The following ASH2L variants were observed in gnomAD, a reference collection of about 807,000 sequenced individuals.
ASH2L encodes the protein set1/Ash2 histone methyltransferase complex subunit ASH2.
In ASH2L, 30 loss-of-function variants were observed where a neutral mutation model predicts 81.1. The observed-to-expected ratio is 0.37, with a 90% CI of 0.28 to 0.50. The LOEUF (loss-of-function observed/expected upper bound fraction) is 0.50. ASH2L is among the 20% of genes least tolerant of loss of function. The probability of loss-of-function intolerance (pLI) is 0.95; values close to 1 mark genes in which losing one functional copy is unlikely to be tolerated. For missense variants in ASH2L, 559 were observed against 792.1 expected, an observed-to-expected ratio of 0.71 and a Z score of 3.53; for synonymous variants, 273 against 279.9, an observed-to-expected ratio of 0.98 and a Z score of 0.24.
At chr8:38,122,893 G>A (rs900796413) in intron 10 of ASH2L, among the ~76,000 whole-genome samples, 3 of 151,662 alleles carry the variant, frequency 2.0e-5, no homozygotes, top group African/African-American at 4.9e-5. Flanking sequence ...ACAGGCACAC[G>A]CCACCACACC....
At chr8:38,134,292 T>G (rs968314609) in intron 13 of ASH2L, among the ~76,000 whole-genome samples, 1 of 150,686 alleles carries the variant, frequency 6.6e-6, no homozygotes, top group African/African-American at 2.4e-5. Context: ...AATCCCCCTC[T>G]GTGAGAAACA....
chr8:38,116,804 G>T (rs973772216), intron 8 of ASH2L, 79 bp downstream of exon 8: 3 of 1,225,788 alleles, frequency 2.4e-6, no homozygotes, highest in African/African-American at 1.5e-5. Context: ...CCATTCTTTG[G>T]GTTGACCCTT....
intron 14 of ASH2L, among the ~76,000 whole-genome samples, chr8:38,137,018 G>A (rs1192739219): frequency 2.6e-5 from 4 of 151,784 alleles, no homozygotes; most frequent in African/African-American, 7.3e-5. Context: ...ACTTGAACCC[G>A]GGAGATGGAG....
chr8:38,115,513 A>G (rs1332612514), intron 7 of ASH2L, among the ~76,000 whole-genome samples: 3 of 152,220 alleles, frequency 2.0e-5, no homozygotes, highest in Non-Finnish European at 4.4e-5. Context: ...TTGAAAATGC[A>G]AGATTCAGCC....
At chr8:38,113,883 G>A (rs1441012927) in intron 5 of ASH2L, among the ~76,000 whole-genome samples, 1 of 152,160 alleles carries the variant, frequency 6.6e-6, no homozygotes, top group South Asian at 2.1e-4. Context: ...AATAATTTGG[G>A]AGTCATCTTC....
rs761308110 is a variant in ASH2L at position 38,135,686 on chromosome 8, G to T, written c.1639G>T (p.Gly547Cys). The change falls in exon 14 of 16, where the codon GGT (glycine) becomes TGT (cysteine). Residue 547 changes from glycine (G) to cysteine (C), a missense_variant. By Grantham distance (159) the Gly-to-Cys change is radical (BLOSUM62 -3). Transcript: ENST00000343823. ...GTTTCAGATAATATTTTATAAAAATGGTGTCAATCAAGGTGTGGCTTACAA... is the reference window on the plus strand; with the variant it reads ...GTTTCAGATAATATTTTATAAAAATTGTGTCAATCAAGGTGTGGCTTACAA... Reference protein sequence around the residue: ...PHSEIIFYKNGVNQGVAYKDI... With the variant: ...PHSEIIFYKNCVNQGVAYKDI... The T allele has an allele frequency of 1.9e-6, 3 of 1,610,642 alleles. No homozygotes were observed. The highest frequency in any genetic ancestry group is 2.5e-6 in the Non-Finnish European group (3 of 1,177,570).
intron 9 of ASH2L, among the ~76,000 whole-genome samples, chr8:38,119,847 G>T (rs751107513): frequency 6.7e-6 from 1 of 149,166 alleles, no homozygotes; most frequent in Non-Finnish European, 1.5e-5. Flanking sequence ...GGCCGGGCAC[G>T]GTGGGTCATG....
At chr8:38,119,413 T>C in intron 9 of ASH2L, 50 bp downstream of exon 9, 1 of 1,417,716 alleles carries the variant, frequency 7.1e-7, no homozygotes, top group South Asian at 1.4e-5. Context: ...TATTATTTGG[T>C]GCTGGGAAAG....
At chr8:38,114,792 T>C (rs544073657) in intron 6 of ASH2L, 113 bp from the exon 7 acceptor site, 77 of 665,646 alleles carry the variant, frequency 1.2e-4, no homozygotes, top group Non-Finnish European at 1.9e-4. Context: ...AACGATACTA[T>C]CTTTTTTGGA....
intron 1 of ASH2L, 180 bp from the exon 2 acceptor site, chr8:38,106,198 C>T: frequency 6.8e-7 from 1 of 1,474,332 alleles, no homozygotes. Flanking sequence ...CCGCGACTGT[C>T]TGACATGTCC....
rs980785017 is a variant in ASH2L at position 38,105,834 on chromosome 8, C to T, written c.188+96C>T. 7.6e-6 allele frequency: 11 copies of T among 1,450,954 alleles called. No individual in the cohort carries two copies. The African/African-American group carries it at 1.5e-4, about 19-fold the overall frequency. 89.9% of individuals were successfully genotyped at this position (1,450,954 alleles called of 1,614,324 possible). ...AGCCCTGCCGCCCGCCCCCTGCGAACCCAGGCCCCGCCGCCAATGGCTCGC... is the reference window on the plus strand; with the variant it reads ...AGCCCTGCCGCCCGCCCCCTGCGAATCCAGGCCCCGCCGCCAATGGCTCGC... On this transcript the variant is annotated intron_variant, in intron 1 of 15. Coordinates refer to ENST00000343823, the MANE Select transcript of ASH2L (RefSeq NM_004674.5).
intron 10 of ASH2L, chr8:38,124,711 C>CCCTTA (rs1411023264): frequency 6.6e-6 from 1 of 152,202 alleles, no homozygotes; most frequent in Non-Finnish European, 1.5e-5. Context: ...TTAGATTGCT[C>CCCTTA]CCTTATCTCA....
chr8:38,129,043 G>C (rs2517394), intron 12 of ASH2L, 92 bp downstream of exon 12: 1,500,909 of 1,502,970 alleles, frequency 1, 749,452 homozygotes, highest in East Asian at 1. Flanking sequence ...TAGGAACTGA[G>C]CCACAGCTCA....
Position 38,135,691 on chromosome 8 carries a change from C to T in ASH2L, c.1644C>T (p.Val548=). The change falls in exon 14 of 16, where the codon GTC becomes GTT. Residue 548 remains valine, a synonymous_variant. Coordinates refer to ENST00000343823, the MANE Select transcript of ASH2L (RefSeq NM_004674.5). ...AGATAATATTTTATAAAAATGGTGT[C>T]AATCAAGGTGTGGCTTACAAAGATA... The part of the protein sequence containing the change: ...HSEIIFYKNG[V]NQGVAYKDIF... The T allele has an allele frequency of 1.9e-6, 3 of 1,612,070 alleles. No homozygotes were observed. Among genetic ancestry groups the T allele is most frequent in the Non-Finnish European group, 1.7e-6 (2 of 1,178,626 alleles).
intron 10 of ASH2L, among the ~76,000 whole-genome samples, chr8:38,122,047 C>T (rs561332075): frequency 1.3e-5 from 2 of 152,208 alleles, no homozygotes; most frequent in African/African-American, 2.4e-5. Flanking sequence ...TGATGATTTT[C>T]GATTTCCTCT....
chr8:38,107,870 G>A lies in ASH2L; in HGVS notation c.401+704G>A, dbSNP rs7843608. On this transcript the variant is annotated intron_variant, in intron 3 of 15. Coordinates refer to ENST00000343823, the MANE Select transcript of ASH2L (RefSeq NM_004674.5). ...TGAGATTGTGAAGAAATACATATAT[G>A]TGTGTGTGTGTGTGTGTGTGTGTGT... 9.1e-4 allele frequency among the ~76,000 whole-genome samples: 94 copies of A among 103,602 alleles called. 1 individual carries two copies. The South Asian group carries it at 0.018, about 20-fold the overall frequency. The allele number at this position is 103,602 out of a possible 152,430, so 68.0% of individuals were successfully genotyped here.
intron 11 of ASH2L, 70 bp from the exon 12 acceptor site, chr8:38,128,688 C>T: frequency 6.4e-7 from 1 of 1,557,554 alleles, no homozygotes; most frequent in Non-Finnish European, 8.6e-7. Flanking sequence ...GAAATAGGAT[C>T]TTTTTCCTTC....
rs755635084 is a variant in ASH2L at position 38,107,062 on chromosome 8, G to T, written c.297G>T (p.Ala99=). 1.2e-6 allele frequency: 2 copies of T among 1,613,980 alleles called. No homozygotes were observed. Among genetic ancestry groups the T allele is most frequent in the East Asian group, 2.2e-5 (1 of 44,890 alleles). ...CATCAGAGGTGATGGATACTCAGGC[G>T]GGCTCCGTGGATGAAGAGAATGGCC... is the stretch of plus-strand genomic sequence containing the variant. ...GDTSEVMDTQ[A]GSVDEENGRQ... is the part of the protein sequence containing the mutation. The change falls in exon 3 of 16, where the codon GCG becomes GCT. Residue 99 remains alanine, a synonymous_variant. Coordinates refer to ENST00000343823, the MANE Select transcript of ASH2L (RefSeq NM_004674.5).
At chr8:38,127,815 A>C (rs1405062633) in intron 10 of ASH2L, among the ~76,000 whole-genome samples, 1 of 150,854 alleles carries the variant, frequency 6.6e-6, no homozygotes, top group African/African-American at 2.4e-5. Context: ...TGGGAGACCA[A>C]GGCGGGCAGA....
Sources: gnomAD v4.1 joint callset for allele counts (sites outside exome capture counted in the v4.1 genomes callset) on GRCh38, gnomAD v4.1.1 for gene constraint, MANE v1.5 for transcripts, NCBI Gene and HGNC (gene_info 2026-07-23, HGNC 2026-07-21) for gene names.